The following PCDHA7 variants were observed in gnomAD, a reference collection of about 807,000 sequenced individuals.
PCDHA7 encodes the protein protocadherin alpha-7.
A neutral mutation model predicts 57.2 loss-of-function variants in PCDHA7; 37 were observed. The observed-to-expected ratio is 0.65, with a 90% CI of 0.50 to 0.85. The LOEUF (loss-of-function observed/expected upper bound fraction) is 0.85, where lower values mean the gene tolerates loss of function less well. Among genes scored for constraint, PCDHA7 ranks in the 40% least tolerant of loss-of-function variants. PCDHA7 has a pLI of 0.00. For synonymous variants in PCDHA7, 553 were observed against 558.8 expected, an observed-to-expected ratio of 0.99 and a Z score of 0.15; for missense variants, 1,188 against 1,241.8, an observed-to-expected ratio of 0.96 and a Z score of 0.65.
intron 1 of PCDHA7, chr5:140,860,673 C>A (rs955931174): frequency 1.2e-4 from 18 of 152,210 alleles, no homozygotes; most frequent in African/African-American, 4.3e-4. Context: ...AAATCAAATG[C>A]ACTTATGTTT....
rs557419543 is a variant in PCDHA7, at chr5:140,854,019, G to A, written c.2355+17281G>A. On this transcript the variant is annotated intron_variant, in intron 1 of 3. Transcript: ENST00000525929. ...CTCTGCCAAAAAAAAAAAATTAGCCGGGCATGGTGGCACACATCTCTAGTC... is the reference window on the plus strand; with the variant it reads ...CTCTGCCAAAAAAAAAAAATTAGCCAGGCATGGTGGCACACATCTCTAGTC... 8.1e-5 allele frequency: 27 copies of A among 335,108 alleles called. No homozygotes were observed. In the South Asian group the frequency reaches 3.3e-3, roughly 41 times the overall value. 20.8% of individuals were successfully genotyped at this position (335,108 alleles called of 1,614,324 possible). A position where few individuals can be genotyped will look rare whatever the true frequency, so the allele number is the denominator to read the frequency against.
At position 140,858,437 on chromosome 5, in the gene PCDHA7, G is replaced by T. The variant is rs1343643925; in HGVS notation, c.2355+21699G>T. The T allele has an allele frequency of 4.5e-6, 7 of 1,541,950 alleles. 1 individual carries two copies. In the Admixed American group the frequency reaches 1.4e-4, roughly 30 times the overall value. Reference sequence around the variant, plus strand: ...TATTGGAGGGGACCACTCTAGGAAGGTGGGTTATTACGTTTTCATTTTCCT... The same window carrying T: ...TATTGGAGGGGACCACTCTAGGAAGTTGGGTTATTACGTTTTCATTTTCCT... On this transcript the variant is annotated intron_variant, in intron 1 of 3. Coordinates refer to ENST00000525929, the MANE Select transcript of PCDHA7 (RefSeq NM_018910.3).
chr5:140,875,291 T>C, intron 1 of PCDHA7: 2 of 1,397,914 alleles, frequency 1.4e-6, no homozygotes, highest in Non-Finnish European at 1.9e-6. Flanking sequence ...AACAGGAAAA[T>C]TTTTTTCTCC....
intron 1 of PCDHA7, among the ~76,000 whole-genome samples, chr5:140,886,071 A>G (rs985861864): frequency 3.9e-5 from 6 of 152,338 alleles, no homozygotes; most frequent in South Asian, 2.1e-4. Context: ...GCGTAGGGCC[A>G]TACCACAACC....
At chr5:140,949,231 C>G (rs971361200) in intron 1 of PCDHA7, among the ~76,000 whole-genome samples, 11 of 151,628 alleles carry the variant, frequency 7.3e-5, no homozygotes, top group African/African-American at 2.4e-4. Flanking sequence ...TGTTCTGTGG[C>G]CCAGCAACAG....
chr5:140,908,329 A>T (rs539575503), intron 1 of PCDHA7, among the ~76,000 whole-genome samples: 140 of 152,214 alleles, frequency 9.2e-4, no homozygotes, highest in African/African-American at 2.7e-3. Flanking sequence ...AGACCATGGG[A>T]ATTTGAGCCA....
chr5:140,984,659 C>G (rs560265457), intron 3 of PCDHA7, among the ~76,000 whole-genome samples: 4 of 152,246 alleles, frequency 2.6e-5, no homozygotes, highest in African/African-American at 9.6e-5. Flanking sequence ...CCTTCTGGTA[C>G]TTTTAGGTTT....
At chr5:140,877,487 A>G in intron 1 of PCDHA7, 1 of 1,613,822 alleles carries the variant, frequency 6.2e-7, no homozygotes, top group Non-Finnish European at 8.5e-7. Context: ...CTGGTGGAGA[A>G]CGGCCAGGCC....
intron 1 of PCDHA7, among the ~76,000 whole-genome samples, chr5:140,923,810 T>C (rs1433569913): frequency 6.6e-6 from 1 of 152,202 alleles, no homozygotes; most frequent in Non-Finnish European, 1.5e-5. Flanking sequence ...TGAAATCTTC[T>C]GAAAATAGAC....
chr5:140,871,211 T>C (rs781784103), intron 1 of PCDHA7: 2 of 1,613,842 alleles, frequency 1.2e-6, no homozygotes, highest in Non-Finnish European at 1.7e-6. Context: ...ATCATCGCCA[T>C]CTGCGTGGTG....
chr5:140,850,140 G>T lies in PCDHA7; in HGVS notation c.2355+13402G>T, dbSNP rs2150469344. ...GGGCGTGCCGCCTCTGGGCAGCAACGTGACGCTGCAGGTGTTCGTGCTGGA... is the reference window on the plus strand; with the variant it reads ...GGGCGTGCCGCCTCTGGGCAGCAACTTGACGCTGCAGGTGTTCGTGCTGGA... On this transcript the variant is annotated intron_variant, in intron 1 of 3. Transcript: ENST00000525929. 66 of 1,595,706 alleles carry T rather than the reference G, an allele frequency of 4.1e-5. 9 individuals are homozygous for T. Among genetic ancestry groups the T allele is most frequent in the East Asian group, 6.7e-5 (3 of 44,838 alleles).
rs1774485155 is a variant in PCDHA7 at position 140,836,439 on chromosome 5, AT to A, written c.2058del (p.Ile686MetfsTer15). 1 of 1,613,702 alleles carries A rather than the reference AT, an allele frequency of 6.2e-7. No homozygotes were observed. Among genetic ancestry groups the A allele is most frequent in the Admixed American group, 1.7e-5 (1 of 59,994 alleles). Reference sequence around the variant, plus strand: ...GGCGTCGTCGCGGGCATCGTTGGGCATTGCAGGCCCAGAGACCGAGCTGGTG... The same window carrying A: ...GGCGTCGTCGCGGGCATCGTTGGGCATGCAGGCCCAGAGACCGAGCTGGTG... ...PKASSRASLG[I>X]AGPETELVDV... is the part of the protein sequence containing the mutation. On this transcript the variant is annotated frameshift_variant, in exon 1 of 4. Coordinates refer to ENST00000525929, the MANE Select transcript of PCDHA7 (RefSeq NM_018910.3). LOFTEE classifies it high-confidence loss of function.
intron 1 of PCDHA7, among the ~76,000 whole-genome samples, chr5:140,893,669 C>T (rs1204530639): frequency 6.6e-6 from 1 of 152,158 alleles, no homozygotes; most frequent in African/African-American, 2.4e-5. Flanking sequence ...AAAATTTCAG[C>T]ACTTTGGATA....
chr5:140,969,028 A>G (rs1554231371), intron 1 of PCDHA7: 1 of 1,614,208 alleles, frequency 6.2e-7, no homozygotes, highest in Non-Finnish European at 8.5e-7. Context: ...GGTCCCCTGC[A>G]GAACTGTACA....
intron 1 of PCDHA7, among the ~76,000 whole-genome samples, chr5:140,925,996 T>C (rs2082856637): frequency 6.6e-6 from 1 of 152,190 alleles, no homozygotes; most frequent in Non-Finnish European, 1.5e-5. Context: ...CTGGCTCCGC[T>C]GCCTCGAAAA....
chr5:140,892,087 T>G (rs2063378040), intron 1 of PCDHA7, among the ~76,000 whole-genome samples: 1 of 152,226 alleles, frequency 6.6e-6, no homozygotes, highest in East Asian at 1.9e-4. Context: ...TAGTTTCCTC[T>G]CGAAACTTTC....
intron 1 of PCDHA7, among the ~76,000 whole-genome samples, chr5:140,969,881 G>A (rs1554232131): frequency 6.6e-6 from 1 of 152,196 alleles, no homozygotes; most frequent in African/African-American, 2.4e-5. Context: ...CTATGTGATA[G>A]GATCCTCTGG....
chr5:140,898,423 C>T (rs1257208141), intron 1 of PCDHA7, among the ~76,000 whole-genome samples: 1 of 152,106 alleles, frequency 6.6e-6, no homozygotes, highest in African/African-American at 2.4e-5. Flanking sequence ...GCCAGTTTTC[C>T]CAGCACCATT....
chr5:140,982,708 C>G (rs550422492), intron 3 of PCDHA7, 145 bp downstream of exon 3: 1 of 1,373,770 alleles, frequency 7.3e-7, no homozygotes, highest in African/African-American at 1.5e-5. Flanking sequence ...GATTTCCTTA[C>G]ATATATGATT....
Sources: gnomAD v4.1 joint callset for allele counts (sites outside exome capture counted in the v4.1 genomes callset) on GRCh38, gnomAD v4.1.1 for gene constraint, MANE v1.5 for transcripts, NCBI Gene and HGNC (gene_info 2026-07-23, HGNC 2026-07-21) for gene names.